FLII: variants seen among roughly 807,000 people sequenced by gnomAD.
FLII encodes the protein protein flightless-1 homolog.
FLII carries 101 observed loss-of-function variants against 156.2 expected under a neutral mutation model. The ratio of observed to expected loss-of-function variants is 0.65; its 90% CI spans 0.55 to 0.76. The LOEUF is 0.76. FLII is among the 30% of genes least tolerant of loss of function. FLII has a pLI of 0.00. For synonymous variants in FLII, 767 were observed against 685.8 expected (o/e 1.12, Z -1.85); for missense variants, 1,675 against 1,682.8 (o/e 1.00, Z 0.08).
intron 9 of FLII, 89 bp downstream of exon 9, chr17:18,253,211 AC>A: frequency 7.3e-7 from 1 of 1,364,922 alleles, no homozygotes. Flanking sequence ...ATTTTGTCTG[AC>A]TTGCACAGAC....
At position 18,254,641 on chromosome 17, in the gene FLII, T is replaced by G; in HGVS notation, c.455A>C (p.Asp152Ala). 1 of 1,613,782 alleles carries G rather than the reference T, an allele frequency of 6.2e-7. No homozygotes were observed. The highest frequency in any genetic ancestry group is 8.5e-7 in the Non-Finnish European group (1 of 1,179,918). ...IPNQLFINLTDLLYLDLSENR... is the reference protein window; with the variant it reads ...IPNQLFINLTALLYLDLSENR... Reference sequence around the variant, plus strand: ...CTCGCTGAGGTCCAGGTATAGTAGGTCAGTGAGGTTGATGAAGAGCTGGTT... The same window carrying G: ...CTCGCTGAGGTCCAGGTATAGTAGGGCAGTGAGGTTGATGAAGAGCTGGTT... Residue 152 changes from aspartate (D) to alanine (A), a missense_variant, in exon 6 of 30, where the codon GAC becomes GCC. Coordinates refer to ENST00000327031, the MANE Select transcript of FLII (RefSeq NM_002018.4).
In FLII at chr17:18,245,608, A is replaced by C. The variant is rs200699075; in HGVS notation, c.3556T>G (p.Cys1186Gly). ...FAVTEKCSDFCQDDLADDDIM... is the reference protein window; with the variant it reads ...FAVTEKCSDFGQDDLADDDIM... Reference sequence around the variant, plus strand: ...TCATCATCTGCCAGGTCATCTTGGCAAAAGTCGGAGCATTTCTCAGTCACT... The same window carrying C: ...TCATCATCTGCCAGGTCATCTTGGCCAAAGTCGGAGCATTTCTCAGTCACT... Residue 1186 changes from cysteine to glycine, a missense_variant, in exon 28 of 30, where the codon TGC becomes GGC. This residue lies in a region of FLII where 1,332 missense variants were observed against 1,269.3 expected (regional missense o/e 1.05). Coordinates refer to ENST00000327031, the MANE Select transcript of FLII (RefSeq NM_002018.4). 6.2e-7 allele frequency: 1 copy of C among 1,613,996 alleles called. No individual in the cohort carries two copies. Among genetic ancestry groups the C allele is most frequent in the East Asian group, 2.2e-5 (1 of 44,888 alleles).
Position 18,246,305 on chromosome 17 carries a change from C to T in FLII, c.3206+3G>A, listed in dbSNP as rs778026726. 6.8e-6 allele frequency: 11 copies of T among 1,613,794 alleles called. No individual in the cohort carries two copies. In the African/African-American group the frequency reaches 1.2e-4, roughly 18 times the overall value. On this transcript the variant is annotated splice_donor_region_variant and intron_variant, in intron 24 of 29. Coordinates refer to ENST00000327031, the MANE Select transcript of FLII (RefSeq NM_002018.4). ...GCCACTGCGTCCTCCCCCAGCCAGG[C>T]ACCGGGTGCAGAGGGCGCTGCCGTT...
In FLII at chr17:18,256,442, G is replaced by C; in HGVS notation, c.246+84C>G. On this transcript the variant is annotated intron_variant, in intron 3 of 29. Coordinates refer to ENST00000327031, the MANE Select transcript of FLII (RefSeq NM_002018.4). ...GGAGGTGGGCAGAAATGCTGGCCCA[G>C]CTTGGTGTCTAGCCCAGGCTTCACG... 2.7e-6 allele frequency: 3 copies of C among 1,115,206 alleles called. No homozygotes were observed. The South Asian group carries it at 4.0e-5, about 15-fold the overall frequency. The allele number at this position is 1,115,206 out of a possible 1,614,324, so 69.1% of individuals were successfully genotyped here.
chr17:18,251,063 C>T (rs1258865822), intron 13 of FLII, 46 bp from the exon 14 acceptor site: 10 of 1,572,738 alleles, frequency 6.4e-6, no homozygotes, highest in Admixed American at 5.4e-5. Context: ...CCTGGTCTTC[C>T]GGCCACCCCG....
intron 13 of FLII, 42 bp downstream of exon 13, chr17:18,251,223 G>A: frequency 6.3e-7 from 1 of 1,592,856 alleles, no homozygotes. Flanking sequence ...TTAGAGGAAG[G>A]TACTGGGCCA....
chr17:18,255,156 G>C (rs1223125501), intron 4 of FLII, 27 bp downstream of exon 4: 4 of 1,557,174 alleles, frequency 2.6e-6, no homozygotes, highest in East Asian at 4.5e-5. Flanking sequence ...GCTAGCACAG[G>C]GGCCAGGTGA....
rs752751809 is a variant in FLII at position 18,245,181 on chromosome 17, C to T, written c.3767G>A (p.Arg1256His). ...RKGNEQHAFTRCFHAWSAFCK... is the reference protein window; with the variant it reads ...RKGNEQHAFTHCFHAWSAFCK... ...GAAGGCGCTCCAGGCGTGGAAGCAG[C>T]GGGTAAAGGCGTGCTGCTCATTGCC... is the stretch of plus-strand genomic sequence containing the variant. Residue 1256 changes from arginine to histidine, a missense_variant, in exon 30 of 30, where the codon CGC (arginine) becomes CAC (histidine). Physicochemically the swap from Arg to His is conservative, Grantham distance 29 (BLOSUM62 0). This residue lies in a region of FLII where 1,332 missense variants were observed against 1,269.3 expected (regional missense o/e 1.05). Transcript: ENST00000327031. The T allele has an allele frequency of 1.7e-5, 27 of 1,613,640 alleles. No homozygotes were observed. The highest frequency in any genetic ancestry group is 1.6e-4 in the Middle Eastern group (1 of 6,082).
chr17:18,250,770 C>T, intron 14 of FLII, 68 bp downstream of exon 14: 1 of 1,528,230 alleles, frequency 6.5e-7, no homozygotes, highest in Middle Eastern at 1.9e-4. Context: ...GCCTTGGGCC[C>T]ACTGCCCCTG....
Position 18,251,473 on chromosome 17 carries a change from C to G in FLII, c.1388G>C (p.Ser463Thr). The G allele has an allele frequency of 6.2e-7, 1 of 1,604,278 alleles. No individual in the cohort carries two copies. Among genetic ancestry groups the G allele is most frequent in the Non-Finnish European group, 8.5e-7 (1 of 1,175,074 alleles). ...CCCGCTGGGGGCCCGGGCATCTGCG[C>G]TCTCCTGGGGGCAGAGTCACAGAGC... Reference protein sequence around the residue: ...AQEKNKKQEESADARAPSGKV... With the variant: ...AQEKNKKQEETADARAPSGKV... Residue 463 changes from serine to threonine, a missense_variant, in exon 13 of 30, where the codon AGC becomes ACC. Physicochemically the swap from Ser to Thr is moderately conservative, Grantham distance 58 (BLOSUM62 1). This residue lies in a region of FLII where 1,332 missense variants were observed against 1,269.3 expected (regional missense o/e 1.05). Transcript: ENST00000327031.
Position 18,246,689 on chromosome 17 carries a change from A to C in FLII, c.2956T>G (p.Phe986Val). 6.2e-7 allele frequency: 1 copy of C among 1,613,792 alleles called. No homozygotes were observed. The highest frequency in any genetic ancestry group is 1.1e-5 in the South Asian group (1 of 90,968). Residue 986 changes from phenylalanine to valine, a missense_variant, in exon 23 of 30, where the codon TTC (phenylalanine) becomes GTC (valine). Phe to Val is a conservative substitution (Grantham distance 50). Coordinates refer to ENST00000327031, the MANE Select transcript of FLII (RefSeq NM_002018.4). ...TTGGAGGCTTCACGGCCCTGCCAGA[A>C]GTACACGATGCACTGGAAGTCCTCC... ...PEEDFQCIVY[F>V]WQGREASNMG...
At chr17:18,253,909 A>G in intron 7 of FLII, 170 bp downstream of exon 7, 1 of 763,632 alleles carries the variant, frequency 1.3e-6, no homozygotes, top group Non-Finnish European at 2.1e-6. Context: ...TTTTCTAGGC[A>G]TAAAGTCAGT....
rs543673158 is a variant in FLII at position 18,249,335 on chromosome 17, T to C, written c.1850A>G (p.Tyr617Cys). 79 of 1,613,484 alleles carry C rather than the reference T, an allele frequency of 4.9e-5. No individual in the cohort carries two copies. Among genetic ancestry groups the C allele is most frequent in the Non-Finnish European group, 6.1e-5 (72 of 1,179,680 alleles). Residue 617 changes from tyrosine to cysteine, a missense_variant, in exon 15 of 30, where the codon TAT becomes TGT. Tyr to Cys is a radical substitution (Grantham distance 194). Coordinates refer to ENST00000327031, the MANE Select transcript of FLII (RefSeq NM_002018.4). ...GCCCACACACCCTCACCTGGTGACA[T>C]AGTGTGTGTCTTCCACAGTGTAGAA... ...SGFYTVEDTHYVTRMYRVYGK... is the reference protein window; with the variant it reads ...SGFYTVEDTHCVTRMYRVYGK...
Position 18,253,352 on chromosome 17 carries a change from T to C in FLII, c.962A>G (p.Glu321Gly), listed in dbSNP as rs777552639. ...SGIGKLTNLE[E>G]FMAANNNLEL... ...CAGGTTGTTGTTGGCAGCCATGAAC[T>C]CTTCCAGGTTGGTGAGCTTGCCAAT... The change falls in exon 9 of 30, where the codon GAG (glutamate) becomes GGG (glycine). Residue 321 changes from glutamate (E) to glycine (G), a missense_variant. Around this residue, in one of 2 missense-constraint regions of FLII, gnomAD observed 1,332 missense variants for 1,269.3 expected, o/e 1.05. Transcript: ENST00000327031. The C allele has an allele frequency of 2.9e-5, 46 of 1,613,952 alleles. No homozygotes were observed. Among genetic ancestry groups the C allele is most frequent in the Non-Finnish European group, 3.5e-5 (41 of 1,180,034 alleles).
intron 18 of FLII, 101 bp from the exon 19 acceptor site, chr17:18,248,134 C>T: frequency 1.4e-6 from 1 of 740,568 alleles, no homozygotes; most frequent in Admixed American, 2.8e-5. Flanking sequence ...CAGCGTGGCT[C>T]ACTGACTGCT....
chr17:18,245,335 C>T lies in FLII; in HGVS notation c.3675+19G>A, dbSNP rs1367905395. On this transcript the variant is annotated intron_variant, in intron 29 of 29. Coordinates refer to ENST00000327031, the MANE Select transcript of FLII (RefSeq NM_002018.4). ...CCCTGCCCACAGGCCCACCTCGGCC[C>T]TCCCTCCACCCAGATTACCTGGCAG... 1.9e-6 allele frequency: 3 copies of T among 1,614,176 alleles called. No homozygotes were observed. Among genetic ancestry groups the T allele is most frequent in the Admixed American group, 1.7e-5 (1 of 60,024 alleles).
rs747984807 is a variant in FLII at position 18,245,813 on chromosome 17, CAGA to C, written c.3431_3433del (p.Phe1144del). 16 of 1,613,952 alleles carry C rather than the reference CAGA, an allele frequency of 9.9e-6. No individual in the cohort carries two copies. The highest frequency in any genetic ancestry group is 6.7e-5 in the East Asian group (3 of 44,862). ...GGGCTTCTGTGCCCCAATGCCCACCCAGAAGAAGTTCTCAGGCTCCTCACCTTC... is the reference window on the plus strand; with the variant it reads ...GGGCTTCTGTGCCCCAATGCCCACCCAGAAGTTCTCAGGCTCCTCACCTTC... On this transcript the variant is annotated inframe_deletion, in exon 27 of 30. Transcript: ENST00000327031.
rs1289876240 is a variant in FLII, at chr17:18,245,927, T to C, written c.3396+7A>G. The C allele has an allele frequency of 6.2e-7, 1 of 1,613,824 alleles. No homozygotes were observed. The highest frequency in any genetic ancestry group is 1.3e-5 in the African/African-American group (1 of 74,830). On this transcript the variant is annotated splice_region_variant and intron_variant, in intron 26 of 29. Transcript: ENST00000327031. ...GTGTGTGCCCGCCTGCCCGCCCGCCTCCTGACCTGCTTGCTGTAGGAGGTG... is the reference window on the plus strand; with the variant it reads ...GTGTGTGCCCGCCTGCCCGCCCGCCCCCTGACCTGCTTGCTGTAGGAGGTG...
At position 18,254,161 on chromosome 17, in the gene FLII, G is replaced by T. The variant is rs762000384; in HGVS notation, c.597C>A (p.Ala199=). 1.2e-6 allele frequency: 2 copies of T among 1,609,568 alleles called. No individual in the cohort carries two copies. Among genetic ancestry groups the T allele is most frequent in the Middle Eastern group, 1.7e-4 (1 of 6,042 alleles). Residue 199 remains alanine, a synonymous_variant, in exon 7 of 30, where the codon GCC becomes GCA. Transcript: ENST00000327031. ...TGCTCCGCAGGTGCAGGGTCTGCAG[G>T]GCCGTCATCGCTGGGAGCTGCCTGC... ...AQLRQLPAMT[A]LQTLHLRSTQ... is the part of the protein sequence containing the mutation.
Sources: gnomAD v4.1 joint callset for allele counts on GRCh38, gnomAD v4.1.1 for gene constraint, gnomAD v4.1.1 regional missense constraint, MANE v1.5 for transcripts, NCBI Gene and HGNC (gene_info 2026-07-23, HGNC 2026-07-21) for gene names.